GALNT13: variants seen among roughly 807,000 people sequenced by gnomAD.
The protein encoded by GALNT13 is polypeptide N-acetylgalactosaminyltransferase 13, also known as UDP-GalNAc:polypeptide N-acetylgalactosaminyltransferase 13.
GALNT13 carries 28 observed loss-of-function variants against 64.2 expected under a neutral mutation model. The observed-to-expected ratio is 0.44, with a 90% CI of 0.32 to 0.60. GALNT13 has a LOEUF of 0.60. Among genes scored for constraint, GALNT13 ranks in the 20% least tolerant of loss-of-function variants. GALNT13 has a pLI of 0.05. For synonymous variants in GALNT13, 214 were observed against 224.6 expected, an observed-to-expected ratio of 0.95 and a Z score of 0.42; for missense variants, 577 against 669.8, an observed-to-expected ratio of 0.86 and a Z score of 1.53.
At chr2:153,385,381 T>G in the GALNT13 span, among the ~76,000 whole-genome samples, 2 of 152,086 alleles carry the variant, frequency 1.3e-5, no homozygotes, top group East Asian at 3.9e-4. Flanking sequence ...CAGTCATTTG[T>G]AACAACATGG....
At chr2:153,435,958 G>A in the GALNT13 span, among the ~76,000 whole-genome samples, 1 of 152,184 alleles carries the variant, frequency 6.6e-6, no homozygotes, top group Admixed American at 6.5e-5. Flanking sequence ...GATATTGGCT[G>A]TGGGTTTGTC....
At chr2:154,129,549 A>T (rs1427134152) in intron 3 of GALNT13, among the ~76,000 whole-genome samples, 1 of 152,174 alleles carries the variant, frequency 6.6e-6, no homozygotes, top group Non-Finnish European at 1.5e-5. Flanking sequence ...TTTTCAAAGT[A>T]TGGGGTTTGC....
At chr2:154,369,436 A>G (rs1279645575) in intron 9 of GALNT13, among the ~76,000 whole-genome samples, 1 of 152,200 alleles carries the variant, frequency 6.6e-6, no homozygotes, top group Non-Finnish European at 1.5e-5. Flanking sequence ...GCTCTCAGGA[A>G]AGGAAAATCA....
At chr2:154,135,752 C>A (rs923768081) in intron 3 of GALNT13, among the ~76,000 whole-genome samples, 4 of 152,016 alleles carry the variant, frequency 2.6e-5, no homozygotes, top group African/African-American at 9.7e-5. Context: ...CCCTTGAGCC[C>A]AGAAGTTCAA....
intron 3 of GALNT13, among the ~76,000 whole-genome samples, chr2:153,952,850 A>G (rs953331075): frequency 1.3e-5 from 2 of 152,170 alleles, no homozygotes; most frequent in African/African-American, 4.8e-5. Flanking sequence ...CCACTGGTGT[A>G]AGTCCAAAAG....
At chr2:154,062,282 A>T (rs1009013498) in intron 3 of GALNT13, among the ~76,000 whole-genome samples, 4 of 152,044 alleles carry the variant, frequency 2.6e-5, no homozygotes, top group African/African-American at 9.7e-5. Context: ...GATGTAATAA[A>T]TTTTTATGTG....
At chr2:153,158,103 T>C in the GALNT13 span, among the ~76,000 whole-genome samples, 1 of 152,160 alleles carries the variant, frequency 6.6e-6, no homozygotes, top group African/African-American at 2.4e-5. Context: ...TTTTTAAAAT[T>C]AGTCCAAAAG....
chr2:154,149,557 G>T (rs1359670127), intron 4 of GALNT13, among the ~76,000 whole-genome samples: 3 of 152,170 alleles, frequency 2.0e-5, no homozygotes, highest in African/African-American at 4.8e-5. Flanking sequence ...TCCTACCCAT[G>T]AGCATGGAAT....
intron 9 of GALNT13, among the ~76,000 whole-genome samples, chr2:154,395,599 A>G (rs1012374974): frequency 1.3e-5 from 2 of 152,142 alleles, no homozygotes; most frequent in Admixed American, 6.5e-5. Context: ...AAGTGACTCT[A>G]TAGGGAAAGT....
the GALNT13 span, among the ~76,000 whole-genome samples, chr2:153,268,505 T>G: frequency 6.6e-6 from 1 of 152,220 alleles, no homozygotes; most frequent in Non-Finnish European, 1.5e-5. Flanking sequence ...CTGAGGCCTT[T>G]CCAGGCACAT....
At chr2:153,386,070 TG>T in the GALNT13 span, among the ~76,000 whole-genome samples, 21 of 152,026 alleles carry the variant, frequency 1.4e-4, no homozygotes, top group South Asian at 1.5e-3. Flanking sequence ...TTAAGAGATT[TG>T]GGGGGGTTTT....
At chr2:154,144,724 C>G (rs1683465628) in intron 4 of GALNT13, among the ~76,000 whole-genome samples, 1 of 151,920 alleles carries the variant, frequency 6.6e-6, no homozygotes, top group African/African-American at 2.4e-5. Flanking sequence ...TAAATCTAAG[C>G]ATATATGCTA....
At position 154,070,676 on chromosome 2, in the gene GALNT13, G is replaced by T. The variant is rs940421972; in HGVS notation, c.143-69661G>T. Among the ~76,000 whole-genome samples the T allele has an allele frequency of 3.3e-5, 5 of 152,188 alleles. No homozygotes were observed. In the East Asian group the frequency reaches 9.7e-4, roughly 29 times the overall value. On this transcript the variant is annotated intron_variant, in intron 3 of 12. Transcript: ENST00000392825. ...CTCACACCTTTAATCCCAGCACTTT[G>T]GGAGGCCGAGGCAGGCAGATCACTT...
intron 9 of GALNT13, among the ~76,000 whole-genome samples, chr2:154,387,131 G>C (rs1445855930): frequency 1.3e-5 from 2 of 152,082 alleles, no homozygotes; most frequent in African/African-American, 4.8e-5. Flanking sequence ...TCTGTCCACT[G>C]ACATGCTAAT....
chr2:153,400,803 G>C, the GALNT13 span, among the ~76,000 whole-genome samples: 1 of 151,952 alleles, frequency 6.6e-6, no homozygotes, highest in East Asian at 1.9e-4. Flanking sequence ...GTGTCTATTT[G>C]ATTCTTCTCT....
chr2:154,008,721 A>G (rs2105240838), intron 3 of GALNT13, among the ~76,000 whole-genome samples: 1 of 152,238 alleles, frequency 6.6e-6, no homozygotes, highest in Non-Finnish European at 1.5e-5. Context: ...GCTTAGGATA[A>G]TGGCCTCTAG....
the GALNT13 span, among the ~76,000 whole-genome samples, chr2:153,439,644 T>C: frequency 4.6e-5 from 7 of 152,162 alleles, no homozygotes; most frequent in Non-Finnish European, 1.0e-4. Context: ...TCTCCTGGTG[T>C]GCCGTTTGTT....
At chr2:153,474,669 C>T in the GALNT13 span, among the ~76,000 whole-genome samples, 1 of 152,202 alleles carries the variant, frequency 6.6e-6, no homozygotes. Context: ...GCTGTCTGCC[C>T]AGCCTGAGAT....
chr2:153,776,966 C>A, the GALNT13 span, among the ~76,000 whole-genome samples: 3 of 152,270 alleles, frequency 2.0e-5, no homozygotes, highest in African/African-American at 4.8e-5. Flanking sequence ...GTGGTTCTAC[C>A]ATTTCTTGTC....
Sources: gnomAD v4.1 joint callset for allele counts (sites outside exome capture counted in the v4.1 genomes callset) on GRCh38, gnomAD v4.1.1 for gene constraint, MANE v1.5 for transcripts, NCBI Gene and HGNC (gene_info 2026-07-23, HGNC 2026-07-21) for gene names.